Variants in STK32B observed in about 807,000 individuals in gnomAD.
STK32B encodes the protein serine/threonine-protein kinase 32B.
A neutral mutation model predicts 52.6 loss-of-function variants in STK32B; 43 were observed. The ratio of observed to expected loss-of-function variants is 0.82; its 90% CI spans 0.64 to 1.05. STK32B has a LOEUF of 1.05. Ranked by LOEUF, STK32B falls within the 50% of genes least tolerant of loss-of-function variation. STK32B has a pLI of 0.00. For missense variants in STK32B, 621 were observed against 534.6 expected (o/e 1.16, Z -1.59); for synonymous variants, 238 against 204.3 (o/e 1.17, Z -1.41).
chr4:5,045,818 G>A, the STK32B span, among the ~76,000 whole-genome samples: 1 of 152,018 alleles, frequency 6.6e-6, no homozygotes, highest in Admixed American at 6.6e-5. Context: ...TGAGATGATG[G>A]GGTTTTCTAA....
chr4:5,174,621 A>G (rs1361944475), intron 3 of STK32B, among the ~76,000 whole-genome samples: 1 of 152,164 alleles, frequency 6.6e-6, no homozygotes, highest in African/African-American at 2.4e-5. Context: ...AGAATGTTGA[A>G]TATTGGCCTC....
At position 5,082,730 on chromosome 4, in the gene STK32B, TAA is replaced by T. The variant is rs11296584; in HGVS notation, c.52+30827_52+30828del. Among the ~76,000 whole-genome samples the T allele has an allele frequency of 2.1e-4, 31 of 148,292 alleles. No homozygotes were observed. The South Asian group carries it at 2.6e-3, about 12-fold the overall frequency. On this transcript the variant is annotated intron_variant, in intron 1 of 11. Transcript: ENST00000282908. The stretch of plus-strand genomic sequence containing the variant: ...TCATGAAAGTAGTACATGTTCGTAG[TAA>T]AAAAAAAAAAATTGGAAAATGTCCA...
chr4:5,047,482 A>T (rs1225877880), upstream of STK32B, among the ~76,000 whole-genome samples: 1 of 152,200 alleles, frequency 6.6e-6, no homozygotes, highest in Non-Finnish European at 1.5e-5. Flanking sequence ...TAAAAATAAA[A>T]TAAAAGTCCA....
Position 5,139,839 on chromosome 4 carries a change from G to T in STK32B, c.53-66G>T, listed in dbSNP as rs906982351. 20 of 1,588,354 alleles carry T rather than the reference G, an allele frequency of 1.3e-5. No homozygotes were observed. The East Asian group carries it at 4.5e-4, about 35-fold the overall frequency. ...ATAGGTGGGTAGGTACATAGGTAAG[G>T]ATATTCAAGGAGCAATACCAGGTTT... On this transcript the variant is annotated intron_variant, in intron 1 of 11. Coordinates refer to ENST00000282908, the MANE Select transcript of STK32B (RefSeq NM_018401.3).
intron 2 of STK32B, among the ~76,000 whole-genome samples, chr4:5,143,101 C>CTCTGTCTGTCTGTCTGTCTGTCTG (rs3072779): frequency 1.0e-4 from 14 of 135,692 alleles, no homozygotes; most frequent in East Asian, 5.9e-4. Flanking sequence ...CTGTCTCTGT[C>CTCTGTCTGTCTGTCTGTCTGTCTG]TCTGTCTGTC....
At chr4:5,375,705 T>G (rs1735542782) in intron 4 of STK32B, among the ~76,000 whole-genome samples, 1 of 152,212 alleles carries the variant, frequency 6.6e-6, no homozygotes, top group Non-Finnish European at 1.5e-5. Context: ...TTTCTCCCTT[T>G]GTTTTGGCCT....
chr4:5,029,356 C>G, the STK32B span, among the ~76,000 whole-genome samples: 1 of 152,176 alleles, frequency 6.6e-6, no homozygotes, highest in Admixed American at 6.5e-5. Flanking sequence ...ACTTTTAAAA[C>G]AGTAAGTGTT....
At chr4:5,275,001 C>G (rs950687843) in intron 3 of STK32B, among the ~76,000 whole-genome samples, 2 of 152,212 alleles carry the variant, frequency 1.3e-5, no homozygotes, top group African/African-American at 2.4e-5. Context: ...TTCCACGGTG[C>G]TCTTCCGTGA....
intron 3 of STK32B, among the ~76,000 whole-genome samples, chr4:5,176,905 G>T (rs549043927): frequency 6.6e-6 from 1 of 152,138 alleles, no homozygotes; most frequent in African/African-American, 2.4e-5. Context: ...AGCAAGAAAG[G>T]GGTGAGCCTA....
intron 3 of STK32B, among the ~76,000 whole-genome samples, chr4:5,303,493 G>A (rs915310171): frequency 6.6e-6 from 1 of 151,848 alleles, no homozygotes; most frequent in Non-Finnish European, 1.5e-5. Context: ...CTTTATAATT[G>A]TCTATTCATG....
rs1222001729 is a variant in STK32B, at chr4:5,316,312, T to C, written c.261-14908T>C. Among the ~76,000 whole-genome samples, 3 of 66,202 alleles carry C rather than the reference T, an allele frequency of 4.5e-5. 1 individual carries two copies. The highest frequency in any genetic ancestry group is 3.4e-4 in the African/African-American group (3 of 8,900). The allele number at this position is 66,202 out of a possible 152,430, so 43.4% of individuals were successfully genotyped here. A position where few individuals can be genotyped will look rare whatever the true frequency, so the allele number is the denominator to read the frequency against. On this transcript the variant is annotated intron_variant, in intron 3 of 11. Coordinates refer to ENST00000282908, the MANE Select transcript of STK32B (RefSeq NM_018401.3). ...ACAATATTATATATAATATATATAT[T>C]GTATATTATATATTATATACAATAT...
chr4:5,113,282 C>T (rs1206876366), intron 1 of STK32B, among the ~76,000 whole-genome samples: 2 of 152,168 alleles, frequency 1.3e-5, no homozygotes, highest in Non-Finnish European at 2.9e-5. Context: ...AACCAGGAAG[C>T]AAGCCCTCAC....
At chr4:5,372,028 C>T (rs762184146) in intron 4 of STK32B, among the ~76,000 whole-genome samples, 49 of 152,348 alleles carry the variant, frequency 3.2e-4, no homozygotes, top group Non-Finnish European at 6.2e-4. Flanking sequence ...AGGATGTGGG[C>T]TGCATTGGTC....
intron 3 of STK32B, among the ~76,000 whole-genome samples, chr4:5,329,896 C>T (rs1025080928): frequency 6.6e-6 from 1 of 152,146 alleles, no homozygotes; most frequent in Non-Finnish European, 1.5e-5. Flanking sequence ...TCCTTCCAAC[C>T]CTGGAATTCC....
chr4:5,236,524 A>G (rs759746892), intron 3 of STK32B, among the ~76,000 whole-genome samples: 1 of 152,136 alleles, frequency 6.6e-6, no homozygotes, highest in South Asian at 2.1e-4. Context: ...GTGACTTCCA[A>G]CTGCATCAAT....
chr4:5,132,348 G>A lies in STK32B; in HGVS notation c.53-7557G>A, dbSNP rs1715830003. On this transcript the variant is annotated intron_variant, in intron 1 of 11. Transcript: ENST00000282908. ...AAGAGGGGAACAACAAACACTGGGT[G>A]GAGGGAGAGGATCAAAAAGCTACCT... Among the ~76,000 whole-genome samples the A allele has an allele frequency of 2.0e-5, 3 of 152,252 alleles. No homozygotes were observed. In the South Asian group the frequency reaches 6.2e-4, roughly 32 times the overall value.
Position 5,175,713 on chromosome 4 carries a change from C to T in STK32B, c.260+7263C>T, listed in dbSNP as rs1254411834. ...CGTGTGAGGTGTCAATCTGCCCCTA[C>T]TGGGGGGTGCCTCCCAGTTAGGCTA... On this transcript the variant is annotated intron_variant, in intron 3 of 11. Coordinates refer to ENST00000282908, the MANE Select transcript of STK32B (RefSeq NM_018401.3). 5.9e-5 allele frequency among the ~76,000 whole-genome samples: 9 copies of T among 152,344 alleles called. No homozygotes were observed. The South Asian group carries it at 1.0e-3, about 18-fold the overall frequency.
At chr4:5,219,333 C>G (rs754316704) in intron 3 of STK32B, among the ~76,000 whole-genome samples, 6 of 152,218 alleles carry the variant, frequency 3.9e-5, no homozygotes, top group Non-Finnish European at 7.3e-5. Context: ...CCAACTCCTT[C>G]CTGTAGAGGA....
chr4:5,304,300 C>G (rs1160784565), intron 3 of STK32B, among the ~76,000 whole-genome samples: 1 of 152,012 alleles, frequency 6.6e-6, no homozygotes, highest in East Asian at 1.9e-4. Flanking sequence ...TTGATTATAC[C>G]CATCTATGAG....
Sources: gnomAD v4.1 joint callset for allele counts (sites outside exome capture counted in the v4.1 genomes callset) on GRCh38, gnomAD v4.1.1 for gene constraint, MANE v1.5 for transcripts, NCBI Gene and HGNC (gene_info 2026-07-23, HGNC 2026-07-21) for gene names.